The following PLD5 variants were observed in gnomAD, a reference collection of about 807,000 sequenced individuals.
PLD5 encodes the protein inactive phospholipase D5.
PLD5 carries 36 observed loss-of-function variants against 61.1 expected under a neutral mutation model. The ratio of observed to expected loss-of-function variants is 0.59; its 90% CI spans 0.45 to 0.78. PLD5 has a LOEUF of 0.78. PLD5 is among the 30% of genes least tolerant of loss of function. PLD5 has a pLI of 0.00. For missense variants in PLD5, 515 were observed against 644.4 expected, an observed-to-expected ratio of 0.80 and a Z score of 2.17; for synonymous variants, 243 against 242.8, an observed-to-expected ratio of 1.00 and a Z score of -0.01.
intron 1 of PLD5, among the ~76,000 whole-genome samples, chr1:242,441,447 G>A (rs1035151125): frequency 8.6e-5 from 13 of 151,758 alleles, no homozygotes; most frequent in East Asian, 5.8e-4. Flanking sequence ...TGAATCTTCC[G>A]AAATTACCAT....
chr1:242,124,555 G>A lies in PLD5; in HGVS notation c.846C>T (p.Thr282=), dbSNP rs754331875. The A allele has an allele frequency of 6.2e-7, 1 of 1,614,036 alleles. No individual in the cohort carries two copies. The highest frequency in any genetic ancestry group is 2.2e-5 in the East Asian group (1 of 44,848). The change falls in exon 6 of 10, where the codon ACC becomes ACT. Residue 282 remains threonine (T), a synonymous_variant. Transcript: ENST00000536534. The part of the protein sequence containing the change: ...SLKFKSRVPQ[T]WSKRLYGVYD... Reference sequence around the variant, plus strand: ...AGACTCCATAGAGTCTTTTGGACCAGGTTTGAGGCACTCTGCTTTTGAATT... The same window carrying A: ...AGACTCCATAGAGTCTTTTGGACCAAGTTTGAGGCACTCTGCTTTTGAATT...
At chr1:242,438,120 A>G (rs1014675154) in intron 1 of PLD5, among the ~76,000 whole-genome samples, 5 of 152,162 alleles carry the variant, frequency 3.3e-5, no homozygotes, top group Non-Finnish European at 7.4e-5. Context: ...ATCCTTGATT[A>G]TGGTGCCTGA....
At chr1:242,313,766 CTTTT>C (rs1029641242) in intron 2 of PLD5, among the ~76,000 whole-genome samples, 22 of 151,184 alleles carry the variant, frequency 1.5e-4, no homozygotes, top group Middle Eastern at 6.8e-3. Context: ...AATACAATGC[CTTTT>C]TTGTTTGTTT....
chr1:242,383,790 C>T (rs1236980790), intron 1 of PLD5, among the ~76,000 whole-genome samples: 1 of 152,158 alleles, frequency 6.6e-6, no homozygotes, highest in Non-Finnish European at 1.5e-5. Flanking sequence ...AAATCTTTCG[C>T]CTTTCAAACA....
At chr1:242,402,955 G>A (rs1664024249) in intron 1 of PLD5, among the ~76,000 whole-genome samples, 1 of 152,074 alleles carries the variant, frequency 6.6e-6, no homozygotes, top group South Asian at 2.1e-4. Context: ...AAAAACAACA[G>A]GAGAAAAAAA....
chr1:242,260,346 C>A (rs928947305), intron 4 of PLD5, among the ~76,000 whole-genome samples: 205 of 120,050 alleles, frequency 1.7e-3, no homozygotes, highest in East Asian at 2.8e-3. Context: ...GACTCCGTCT[C>A]AAAAAAAAAA....
At chr1:242,224,460 A>G (rs1279199862) in intron 4 of PLD5, among the ~76,000 whole-genome samples, 1 of 152,170 alleles carries the variant, frequency 6.6e-6, no homozygotes, top group African/African-American at 2.4e-5. Context: ...TATGACCCAG[A>G]AAACAGGGAT....
At chr1:242,321,686 T>A (rs185151954) in intron 2 of PLD5, among the ~76,000 whole-genome samples, 44 of 152,202 alleles carry the variant, frequency 2.9e-4, no homozygotes, top group Non-Finnish European at 6.2e-4. Flanking sequence ...CTGCCATCAT[T>A]ACCTGTTTTT....
At chr1:242,373,973 C>CAA (rs74686206) in intron 1 of PLD5, among the ~76,000 whole-genome samples, 18,998 of 149,972 alleles carry the variant, frequency 0.13, 1,577 homozygotes, top group Middle Eastern at 0.19. Context: ...ATAATAAAAA[C>CAA]AAAAAAAAAG....
chr1:242,223,715 T>C (rs1354804614), intron 4 of PLD5, among the ~76,000 whole-genome samples: 2 of 152,200 alleles, frequency 1.3e-5, no homozygotes, highest in Non-Finnish European at 2.9e-5. Flanking sequence ...TGAAAAAATA[T>C]ATATTTTTGT....
intron 5 of PLD5, among the ~76,000 whole-genome samples, chr1:242,146,951 T>A (rs1157859225): frequency 6.6e-6 from 1 of 152,150 alleles, no homozygotes; most frequent in Non-Finnish European, 1.5e-5. Flanking sequence ...TTTAGGTGAG[T>A]GACAGTTTTT....
intron 1 of PLD5, among the ~76,000 whole-genome samples, chr1:242,400,188 G>GAAAAA (rs113690368): frequency 6.6e-5 from 9 of 137,366 alleles, no homozygotes; most frequent in Non-Finnish European, 1.4e-4. Context: ...CAAAAGAAAA[G>GAAAAA]AAAAAAAAAA....
At chr1:242,320,604 G>A (rs1658328541) in intron 2 of PLD5, among the ~76,000 whole-genome samples, 1 of 152,188 alleles carries the variant, frequency 6.6e-6, no homozygotes, top group Non-Finnish European at 1.5e-5. Context: ...GAGCTGGAAT[G>A]AGAAGATTGA....
Position 242,394,390 on chromosome 1 carries a change from GAGTATATATGTGTGTA to G in PLD5, c.190-46164_190-46149del. ...TATGAGTATATATGTGTGTATATAT[GAGTATATATGTGTGTA>G]TATATGAGTATATATGTGTGTATAT... is the stretch of plus-strand genomic sequence containing the variant. On this transcript the variant is annotated intron_variant, in intron 1 of 9. Transcript: ENST00000536534. 3.0e-5 allele frequency among the ~76,000 whole-genome samples: 3 copies of G among 101,160 alleles called. 1 individual carries two copies. Among genetic ancestry groups the G allele is most frequent in the Non-Finnish European group, 5.9e-5 (3 of 50,878 alleles). The allele number at this position is 101,160 out of a possible 152,430, so 66.4% of individuals were successfully genotyped here.
intron 5 of PLD5, among the ~76,000 whole-genome samples, chr1:242,152,514 C>A (rs1425130408): frequency 3.3e-5 from 5 of 151,336 alleles, no homozygotes; most frequent in Non-Finnish European, 5.9e-5. Context: ...TAGCCCCCTA[C>A]CCCCTAACAG....
chr1:242,447,839 G>A (rs1490742416), intron 1 of PLD5, among the ~76,000 whole-genome samples: 4 of 152,124 alleles, frequency 2.6e-5, no homozygotes, highest in Non-Finnish European at 5.9e-5. Context: ...ATCACTATGC[G>A]TATGTTTATG....
chr1:242,373,857 G>C (rs1408178024), intron 1 of PLD5, among the ~76,000 whole-genome samples: 1 of 151,778 alleles, frequency 6.6e-6, no homozygotes, highest in East Asian at 1.9e-4. Context: ...TAATATAGGA[G>C]ATATAATGTA....
chr1:242,257,038 T>TCTA (rs1673096478), intron 4 of PLD5, among the ~76,000 whole-genome samples: 4 of 142,394 alleles, frequency 2.8e-5, no homozygotes, highest in African/African-American at 7.9e-5. Context: ...CCTACCTACC[T>TCTA]TCTATCTATC....
chr1:242,419,418 CAG>C (rs1477501757), intron 1 of PLD5, among the ~76,000 whole-genome samples: 5 of 139,608 alleles, frequency 3.6e-5, no homozygotes, highest in East Asian at 2.1e-4. Flanking sequence ...CGGGGGGAGA[CAG>C]AGTCTCGCAC....
Sources: allele counts gnomAD v4.1 joint callset (sites outside exome capture counted in the v4.1 genomes callset), GRCh38; gene constraint gnomAD v4.1.1; transcripts MANE v1.5; gene names NCBI Gene and HGNC (gene_info 2026-07-23, HGNC 2026-07-21).